Variants in MYBPC1 observed in about 807,000 individuals in gnomAD.
MYBPC1 encodes myosin-binding protein C, slow-type.
Under a neutral mutation model 147.1 loss-of-function variants are expected in MYBPC1, and 52 were observed. The ratio of observed to expected loss-of-function variants is 0.35; its 90% CI spans 0.28 to 0.45. The LOEUF is 0.45. MYBPC1 is among the 20% of genes least tolerant of loss of function. MYBPC1 has a pLI of 1.00. For missense variants in MYBPC1, 1,228 were observed against 1,440.3 expected (o/e 0.85, Z 2.39); for synonymous variants, 477 against 475.9 (o/e 1.00, Z -0.03).
At chr12:101,602,715 G>A (rs766953948) in intron 1 of MYBPC1, among the ~76,000 whole-genome samples, 12 of 152,166 alleles carry the variant, frequency 7.9e-5, no homozygotes, top group South Asian at 6.2e-4. Context: ...TATAATACAC[G>A]CCAAGAAAGC....
chr12:101,600,144 A>G (rs1026474678), intron 1 of MYBPC1, among the ~76,000 whole-genome samples: 1 of 152,206 alleles, frequency 6.6e-6, no homozygotes, highest in African/African-American at 2.4e-5. Context: ...CAAACAGTGA[A>G]GTCAGGAGTA....
chr12:101,686,470 C>T (rs1164445115), downstream of MYBPC1, among the ~76,000 whole-genome samples: 4 of 152,278 alleles, frequency 2.6e-5, no homozygotes, highest in Non-Finnish European at 4.4e-5. Flanking sequence ...CTGATGGTAT[C>T]CATTCAATTT....
intron 3 of MYBPC1, among the ~76,000 whole-genome samples, chr12:101,622,055 C>T (rs1051831356): frequency 3.9e-5 from 6 of 152,270 alleles, no homozygotes; most frequent in African/African-American, 1.2e-4. Context: ...AGCCCTGCTA[C>T]GCTGAGTGTG....
chr12:101,645,549 T>C (rs1194662788), intron 12 of MYBPC1, among the ~76,000 whole-genome samples: 2 of 152,236 alleles, frequency 1.3e-5, no homozygotes, highest in African/African-American at 4.8e-5. Flanking sequence ...AATTAGGTGG[T>C]TTCCAATTTC....
chr12:101,639,445 C>T (rs1428890752), intron 10 of MYBPC1, among the ~76,000 whole-genome samples: 1 of 152,124 alleles, frequency 6.6e-6, no homozygotes, highest in Admixed American at 6.5e-5. Flanking sequence ...GAGGTGAGAG[C>T]CTTGACCTCA....
In MYBPC1 at chr12:101,627,735, C is replaced by T. The variant is rs761503433; in HGVS notation, c.143-34C>T. ...ACTCCATTTTCATCCCCTTTCCACC[C>T]CTCTGCATCACCCAAATCACACTTT... On this transcript the variant is annotated intron_variant, in intron 4 of 31. Transcript: ENST00000361466. 22 of 1,611,704 alleles carry T rather than the reference C, an allele frequency of 1.4e-5. 1 individual carries two copies. The South Asian group carries it at 2.2e-4, about 16-fold the overall frequency.
At chr12:101,612,106 C>T (rs1204144522) in intron 1 of MYBPC1, among the ~76,000 whole-genome samples, 1 of 149,980 alleles carries the variant, frequency 6.7e-6, no homozygotes, top group Non-Finnish European at 1.5e-5. Context: ...AAAGAATAAT[C>T]AGCTCTGAGA....
At chr12:101,640,568 G>T (rs1481895349) in intron 10 of MYBPC1, among the ~76,000 whole-genome samples, 1 of 152,154 alleles carries the variant, frequency 6.6e-6, no homozygotes, top group Non-Finnish European at 1.5e-5. Context: ...TAATGGTGTT[G>T]TCTAGTCCTT....
chr12:101,613,101 A>C (rs748856311), intron 1 of MYBPC1, among the ~76,000 whole-genome samples: 1 of 152,220 alleles, frequency 6.6e-6, no homozygotes, highest in Non-Finnish European at 1.5e-5. Flanking sequence ...CATCTGAATA[A>C]AAGTTTTTAA....
At chr12:101,653,345 A>G (rs1008853936) in intron 18 of MYBPC1, 97 bp downstream of exon 18, 246 of 1,474,868 alleles carry the variant, frequency 1.7e-4, no homozygotes, top group Non-Finnish European at 2.2e-4. Context: ...ATGAAGGTAG[A>G]AAACAAATAA....
intron 2 of MYBPC1, 92 bp from the exon 3 acceptor site, chr12:101,617,110 T>C: frequency 1.7e-6 from 2 of 1,168,358 alleles, no homozygotes; most frequent in South Asian, 2.5e-5. Context: ...TGCTGTCATT[T>C]ATTTCTTCCC....
intron 23 of MYBPC1, 31 bp downstream of exon 23, chr12:101,667,930 C>A: frequency 6.2e-7 from 1 of 1,607,688 alleles, no homozygotes; most frequent in Non-Finnish European, 8.5e-7. Flanking sequence ...AAGTTAGACT[C>A]CATTTTACAT....
chr12:101,599,087 T>C (rs993985429), intron 1 of MYBPC1, among the ~76,000 whole-genome samples: 1 of 152,254 alleles, frequency 6.6e-6, no homozygotes, highest in Non-Finnish European at 1.5e-5. Context: ...AGTTTTCTCA[T>C]GTTCCGTGTA....
At chr12:101,630,051 A>C (rs825075) in intron 6 of MYBPC1, among the ~76,000 whole-genome samples, 95,830 of 151,968 alleles carry the variant, frequency 0.63, 31,449 homozygotes, top group African/African-American at 0.81. Flanking sequence ...CTACTCATTG[A>C]CCTCTCCTCC....
intron 18 of MYBPC1, among the ~76,000 whole-genome samples, chr12:101,655,167 G>C (rs1895324617): frequency 6.6e-6 from 1 of 151,998 alleles, no homozygotes; most frequent in African/African-American, 2.4e-5. Flanking sequence ...TATTCCATAT[G>C]TTCAAAAAGT....
At chr12:101,637,847 T>C (rs1175350318) in intron 10 of MYBPC1, among the ~76,000 whole-genome samples, 1 of 152,194 alleles carries the variant, frequency 6.6e-6, no homozygotes, top group African/African-American at 2.4e-5. Flanking sequence ...ATGGGTGTGA[T>C]TTATTAATTC....
At position 101,607,761 on chromosome 12, in the gene MYBPC1, C is replaced by T. The variant is rs139313617; in HGVS notation, c.26-6735C>T. On this transcript the variant is annotated intron_variant, in intron 1 of 31. Coordinates refer to ENST00000361466, the MANE Select transcript of MYBPC1 (RefSeq NM_002465.4). ...ATAATGTAATATTTGAGACAGCCCA[C>T]GGGAAGAAGAGAACTGGGTGTTTTG... Among the ~76,000 whole-genome samples the T allele has an allele frequency of 3.3e-3, 505 of 152,178 alleles. 7 individuals carry two copies. The highest frequency in any genetic ancestry group is 7.8e-4 in the Non-Finnish European group (53 of 68,016).
intron 1 of MYBPC1, among the ~76,000 whole-genome samples, chr12:101,606,520 T>C (rs1882264139): frequency 6.6e-6 from 1 of 151,126 alleles, no homozygotes; most frequent in East Asian, 1.9e-4. Flanking sequence ...CCCGGCCTGG[T>C]CTTGAACTCC....
chr12:101,678,330 A>T, intron 28 of MYBPC1, 92 bp downstream of exon 28: 6 of 1,543,672 alleles, frequency 3.9e-6, no homozygotes, highest in Non-Finnish European at 5.4e-6. Flanking sequence ...TCCAGCTGCT[A>T]CTTGTGTCTT....
Sources: gnomAD v4.1 joint callset for allele counts (sites outside exome capture counted in the v4.1 genomes callset) on GRCh38, gnomAD v4.1.1 for gene constraint, MANE v1.5 for transcripts, NCBI Gene and HGNC (gene_info 2026-07-23, HGNC 2026-07-21) for gene names.